Variants in MACF1 observed in about 807,000 individuals in gnomAD.
MACF1 encodes microtubule actin crosslinking factor 1.
MACF1 carries 193 observed loss-of-function variants against 854.8 expected under a neutral mutation model. The ratio of observed to expected loss-of-function variants is 0.23; its 90% CI spans 0.20 to 0.25. The LOEUF (loss-of-function observed/expected upper bound fraction) is 0.25, where lower values mean the gene tolerates loss of function less well. Among genes scored for constraint, MACF1 ranks in the 10% least tolerant of loss-of-function variants. MACF1 has a pLI of 1.00. For synonymous variants in MACF1, 3,185 were observed against 3,226.7 expected, an observed-to-expected ratio of 0.99 and a Z score of 0.44; for missense variants, 7,722 against 8,929.1, an observed-to-expected ratio of 0.86 and a Z score of 5.45.
At chr1:39,463,490 C>CAAAAAAAAA in intron 93 of MACF1, 122 bp from the exon 94 acceptor site, 1 of 464,464 alleles carries the variant, frequency 2.2e-6, no homozygotes. Flanking sequence ...AACTCCATCT[C>CAAAAAAAAA]AAAAAAAAAA....
chr1:39,237,959 C>T (rs538775999), intron 2 of MACF1, among the ~76,000 whole-genome samples: 17 of 152,108 alleles, frequency 1.1e-4, no homozygotes, highest in Non-Finnish European at 2.2e-4. Flanking sequence ...AATGTTGTTC[C>T]TTATTCTACA....
Position 39,331,321 on chromosome 1 carries a change from A to T in MACF1, c.4733A>T (p.Gln1578Leu). 6.2e-7 allele frequency: 1 copy of T among 1,613,890 alleles called. No individual in the cohort carries two copies. The highest frequency in any genetic ancestry group is 8.5e-7 in the Non-Finnish European group (1 of 1,179,980). Residue 1578 changes from glutamine (Q) to leucine (L), a missense_variant, in exon 37 of 101, where the codon CAG becomes CTG. Gln to Leu is a moderately radical substitution (Grantham distance 113). Around this residue, in one of 15 missense-constraint regions of MACF1, gnomAD observed 1,531 missense variants for 1,601.6 expected, o/e 0.96. Coordinates refer to ENST00000564288, the MANE Select transcript of MACF1 (RefSeq NM_001394062.1). ...ACAGGCCTAGTGCTTCTGGAATCTCAGGTTATCATGTCTGGCCTCATTGCC... is the reference window on the plus strand; with the variant it reads ...ACAGGCCTAGTGCTTCTGGAATCTCTGGTTATCATGTCTGGCCTCATTGCC... ...QDTGLVLLES[Q>L]VIMSGLIAPE...
intron 93 of MACF1, 82 bp downstream of exon 93, chr1:39,462,119 A>G: frequency 7.4e-7 from 1 of 1,351,326 alleles, no homozygotes; most frequent in Non-Finnish European, 1.0e-6. Context: ...CAGTGATCAT[A>G]TTAGCCTTTG....
At chr1:39,200,663 C>G (rs1351252819), upstream of MACF1, among the ~76,000 whole-genome samples, 1 of 151,156 alleles carries the variant, frequency 6.6e-6, no homozygotes, top group Non-Finnish European at 1.5e-5. Context: ...AGTGCCACTG[C>G]ACTGCAGCTT....
At chr1:39,322,431 A>G (rs566339513) in intron 31 of MACF1, among the ~76,000 whole-genome samples, 177 bp from the exon 32 acceptor site, 9 of 152,294 alleles carry the variant, frequency 5.9e-5, no homozygotes, top group Admixed American at 2.0e-4. Flanking sequence ...TTCACTTATA[A>G]TGAGAGAGAT....
In MACF1 at chr1:39,458,391, C is replaced by T. The variant is rs764667477; in HGVS notation, c.21097C>T (p.Arg7033Cys). The T allele has an allele frequency of 8.7e-6, 14 of 1,613,596 alleles. No individual in the cohort carries two copies. Among genetic ancestry groups the T allele is most frequent in the Middle Eastern group, 1.7e-4 (1 of 6,056 alleles). The change falls in exon 90 of 101, where the codon CGC becomes TGC. Residue 7033 changes from arginine to cysteine, a missense_variant. Transcript: ENST00000564288. ...EHQTFMEEMTRKQPDVDRVTK... is the reference protein window; with the variant it reads ...EHQTFMEEMTCKQPDVDRVTK... ...ACAGACATTTATGGAGGAGATGACT[C>T]GCAAACAGCCTGACGTGGACCGGGT... is the stretch of plus-strand genomic sequence containing the variant.
At chr1:39,229,707 T>C (rs1644757356) in intron 1 of MACF1, among the ~76,000 whole-genome samples, 1 of 152,172 alleles carries the variant, frequency 6.6e-6, no homozygotes, top group Non-Finnish European at 1.5e-5. Flanking sequence ...CATAACCATG[T>C]TGTCTAGCAT....
intron 2 of MACF1, among the ~76,000 whole-genome samples, chr1:39,180,920 T>G (rs534629516): frequency 6.6e-6 from 1 of 152,302 alleles, no homozygotes; most frequent in South Asian, 2.1e-4. Flanking sequence ...AATATCTTTT[T>G]TTTTGAGACA....
upstream of MACF1, among the ~76,000 whole-genome samples, chr1:39,202,505 C>T (rs182295249): frequency 1.1e-3 from 166 of 151,742 alleles, no homozygotes; most frequent in Non-Finnish European, 1.7e-3. Flanking sequence ...TGTAGTGGCA[C>T]GTGCCTGTAG....
At chr1:39,376,631 T>C (rs1295582021) in intron 52 of MACF1, among the ~76,000 whole-genome samples, 1 of 152,226 alleles carries the variant, frequency 6.6e-6, no homozygotes, top group Non-Finnish European at 1.5e-5. Context: ...AATGGAATGT[T>C]ATTTTTCTAT....
rs200717709 is a variant in MACF1, at chr1:39,478,579, ATATAT to A, written c.21959-1217_21959-1213del. Among the ~76,000 whole-genome samples, 58 of 152,322 alleles carry A rather than the reference ATATAT, an allele frequency of 3.8e-4. 2 individuals carry two copies. In the East Asian group the frequency reaches 9.7e-3, roughly 25 times the overall value. On this transcript the variant is annotated intron_variant, in intron 97 of 100. Coordinates refer to ENST00000564288, the MANE Select transcript of MACF1 (RefSeq NM_001394062.1). ...CTTTGATATGTTCTGTCAACATATA[ATATAT>A]TGAGAAGAATTTGGATTTGATTTAG...
intron 1 of MACF1, chr1:39,206,655 C>T (rs1238437328): frequency 3.3e-5 from 5 of 151,980 alleles, no homozygotes. Context: ...AACTTTGATT[C>T]TAATACCAAA....
intron 72 of MACF1, among the ~76,000 whole-genome samples, chr1:39,440,653 A>G (rs1439353104): frequency 1.3e-5 from 2 of 152,036 alleles, no homozygotes; most frequent in South Asian, 2.1e-4. Flanking sequence ...CAGCACTTAA[A>G]TTTGTGACTT....
intron 52 of MACF1, among the ~76,000 whole-genome samples, chr1:39,374,101 G>C (rs531959999): frequency 2.6e-5 from 4 of 152,098 alleles, no homozygotes; most frequent in Non-Finnish European, 2.9e-5. Flanking sequence ...AATTAGCCAG[G>C]CATGGTGGCT....
At chr1:39,391,123 A>G (rs909191400) in intron 58 of MACF1, among the ~76,000 whole-genome samples, 1 of 151,362 alleles carries the variant, frequency 6.6e-6, no homozygotes, top group African/African-American at 2.4e-5. Context: ...AAAAAAAAAA[A>G]CACACAAAAT....
At chr1:39,325,568 TA>T (rs1646594779) in intron 35 of MACF1, among the ~76,000 whole-genome samples, 1 of 152,182 alleles carries the variant, frequency 6.6e-6, no homozygotes, top group Admixed American at 6.5e-5. Flanking sequence ...TGTTTTCGAG[TA>T]AGTCTCAAGG....
intron 2 of MACF1, among the ~76,000 whole-genome samples, chr1:39,165,359 G>A (rs545702348): frequency 1.3e-5 from 2 of 152,232 alleles, no homozygotes; most frequent in East Asian, 3.9e-4. Flanking sequence ...GTGCTTATTT[G>A]GATAGTTGAT....
At chr1:39,414,342 A>G (rs760810724) in intron 58 of MACF1, 42 of 1,613,904 alleles carry the variant, frequency 2.6e-5, no homozygotes, top group Non-Finnish European at 3.4e-5. Context: ...CACCTGTTCT[A>G]GAGGAGGCTT....
chr1:39,474,398 TAATA>T (rs967214210), intron 97 of MACF1, among the ~76,000 whole-genome samples: 2 of 149,168 alleles, frequency 1.3e-5, no homozygotes, highest in African/African-American at 2.5e-5. Context: ...CAAAAAATAA[TAATA>T]AATAAATATA....
Sources: gnomAD v4.1 joint callset for allele counts (sites outside exome capture counted in the v4.1 genomes callset) on GRCh38, gnomAD v4.1.1 for gene constraint, gnomAD v4.1.1 regional missense constraint, MANE v1.5 for transcripts, NCBI Gene and HGNC (gene_info 2026-07-23, HGNC 2026-07-21) for gene names.